FAM177B: variants seen among roughly 807,000 people sequenced by gnomAD.
FAM177B encodes the protein protein FAM177B.
FAM177B carries 16 observed loss-of-function variants against 16.1 expected under a neutral mutation model. That is an observed-to-expected ratio of 0.99 (90% CI 0.67 to 1.51). FAM177B has a LOEUF of 1.51. FAM177B is among the 40% of genes most tolerant of loss of function. The pLI, the probability that FAM177B is intolerant of heterozygous loss-of-function variation, is 0.00. For synonymous variants in FAM177B, 56 were observed against 59.9 expected, an observed-to-expected ratio of 0.93 and a Z score of 0.30; for missense variants, 178 against 183.7, an observed-to-expected ratio of 0.97 and a Z score of 0.18.
In FAM177B at chr1:222,741,908, CT is replaced by C. The variant is rs1415467849; in HGVS notation, c.-16+3888del. On this transcript the variant is annotated intron_variant, in intron 2 of 5. Transcript: ENST00000445590. ...TCCTTCCCTCCCTCCCTCCCTCCCT[CT>C]CTCTCTCTCTCTCTCTCTCTCTTTC... 1.4e-3 allele frequency among the ~76,000 whole-genome samples: 18 copies of C among 12,630 alleles called. No homozygotes were observed. The South Asian group carries it at 0.024, about 16-fold the overall frequency. 8.3% of individuals were successfully genotyped at this position (12,630 alleles called of 152,430 possible).
intron 2 of FAM177B, among the ~76,000 whole-genome samples, chr1:222,741,922 C>G (rs1343810430): frequency 9.6e-6 from 1 of 103,992 alleles, no homozygotes; most frequent in African/African-American, 3.8e-5. Context: ...CTCTCTCTCT[C>G]TCTCTCTCTT....
At chr1:222,741,804 CTT>C (rs1658550476) in intron 2 of FAM177B, among the ~76,000 whole-genome samples, 1 of 137,848 alleles carries the variant, frequency 7.3e-6, no homozygotes, top group Admixed American at 7.7e-5. Context: ...TTCTTTCTCT[CTT>C]TCTTTCTTCT....
At chr1:222,749,349 A>G in intron 4 of FAM177B, 116 bp from the exon 5 acceptor site, 1 of 604,810 alleles carries the variant, frequency 1.7e-6, no homozygotes, top group Non-Finnish European at 2.9e-6. Context: ...GAAGTTAAGT[A>G]TAGTAATAGA....
chr1:222,743,533 G>A (rs761746756), intron 2 of FAM177B, among the ~76,000 whole-genome samples: 2 of 152,090 alleles, frequency 1.3e-5, no homozygotes, highest in Non-Finnish European at 2.9e-5. Context: ...TGTACTTGGC[G>A]TCTGACAGAG....
In FAM177B at chr1:222,748,041, C is replaced by T. The variant is rs146150127; in HGVS notation, c.241+960C>T. 1.5e-3 allele frequency among the ~76,000 whole-genome samples: 226 copies of T among 152,188 alleles called. 6 individuals are homozygous for T. The South Asian group carries it at 0.021, about 14-fold the overall frequency. On this transcript the variant is annotated intron_variant, in intron 4 of 5. Transcript: ENST00000445590. ...TGGCTGGCTAAGGCTAGCTTGAGGA[C>T]CATGAAAGTGACCAGGGAATCTTTA...
rs1187578221 is a variant in FAM177B at position 222,741,747 on chromosome 1, CCTTT to C, written c.-16+3739_-16+3742del. Reference sequence around the variant, plus strand: ...TCCTTCCCTCCCTCCCTCCCTCCCTCCTTTCTTTCTTTCTTTTTCTTTCTTCCTT... The same window carrying C: ...TCCTTCCCTCCCTCCCTCCCTCCCTCCTTTCTTTCTTTTTCTTTCTTCCTT... On this transcript the variant is annotated intron_variant, in intron 2 of 5. Coordinates refer to ENST00000445590, the MANE Select transcript of FAM177B (RefSeq NM_001394345.1). Among the ~76,000 whole-genome samples the C allele has an allele frequency of 4.1e-4, 59 of 145,480 alleles. No homozygotes were observed. In the East Asian group the frequency reaches 4.1e-3, roughly 10 times the overall value.
chr1:222,746,425 G>A, intron 2 of FAM177B, 106 bp from the exon 3 acceptor site: 2 of 603,114 alleles, frequency 3.3e-6, no homozygotes, highest in Non-Finnish European at 5.8e-6. Flanking sequence ...GAGGTCACAG[G>A]TGTGATTACC....
At chr1:222,743,639 T>C (rs1658651879) in intron 2 of FAM177B, among the ~76,000 whole-genome samples, 1 of 152,196 alleles carries the variant, frequency 6.6e-6, no homozygotes, top group Admixed American at 6.5e-5. Flanking sequence ...CAGCATGTGG[T>C]ACTGGCGGGG....
At chr1:222,739,425 A>G (rs1425117657) in intron 2 of FAM177B, among the ~76,000 whole-genome samples, 1 of 152,206 alleles carries the variant, frequency 6.6e-6, no homozygotes, top group Non-Finnish European at 1.5e-5. Context: ...ACTGGTCCCC[A>G]AACTTGCCTG....
intron 2 of FAM177B, among the ~76,000 whole-genome samples, chr1:222,744,756 G>GTCTA (rs1658715903): frequency 6.6e-6 from 1 of 152,118 alleles, no homozygotes; most frequent in South Asian, 2.1e-4. Flanking sequence ...AATCCAGGAA[G>GTCTA]TCTATCTCCA....
chr1:222,750,959 ATTG>A lies in FAM177B; in HGVS notation c.*904_*906del, dbSNP rs1405587990. Among the ~76,000 whole-genome samples the A allele has an allele frequency of 6.6e-6, 1 of 152,078 alleles. No individual in the cohort carries two copies. Among genetic ancestry groups the A allele is most frequent in the Non-Finnish European group, 1.5e-5 (1 of 68,024 alleles). On this transcript the variant is annotated 3_prime_UTR_variant, in exon 6 of 6. Coordinates refer to ENST00000445590, the MANE Select transcript of FAM177B (RefSeq NM_001394345.1). ...TATGGGTGACTTGACTTTGCTTGTT[ATTG>A]TTATACAGAATTATGAGAAATAATA...
Position 222,749,356 on chromosome 1 carries a change from T to C in FAM177B, c.242-109T>C, listed in dbSNP as rs1658946511. 4 of 629,884 alleles carry C rather than the reference T, an allele frequency of 6.4e-6. No homozygotes were observed. In the South Asian group the frequency reaches 8.7e-5, roughly 14 times the overall value. The allele number at this position is 629,884 out of a possible 1,614,324, so 39.0% of individuals were successfully genotyped here. A position where few individuals can be genotyped will look rare whatever the true frequency, so the allele number is the denominator to read the frequency against. ...TCAGCCTTGAAGTTAAGTATAGTAA[T>C]AGACCACTATTACTATACTATCAGA... On this transcript the variant is annotated intron_variant, in intron 4 of 5. Coordinates refer to ENST00000445590, the MANE Select transcript of FAM177B (RefSeq NM_001394345.1).
In FAM177B at chr1:222,740,476, G is replaced by T. The variant is rs78957267; in HGVS notation, c.-16+2455G>T. On this transcript the variant is annotated intron_variant, in intron 2 of 5. Coordinates refer to ENST00000445590, the MANE Select transcript of FAM177B (RefSeq NM_001394345.1). ...TCTTGCCTTCTTTCACAGTGTTTCT[G>T]TTCTTTTTTATTTTCTTCTGCTGGT... 1.5e-3 allele frequency among the ~76,000 whole-genome samples: 225 copies of T among 151,896 alleles called. 6 individuals carry two copies. The South Asian group carries it at 0.021, about 14-fold the overall frequency.
At chr1:222,747,132 G>T in intron 4 of FAM177B, 51 bp downstream of exon 4, 1 of 1,224,456 alleles carries the variant, frequency 8.2e-7, no homozygotes, top group East Asian at 2.3e-5. Flanking sequence ...TATATATATC[G>T]ATAGGCCCTC....
intron 2 of FAM177B, among the ~76,000 whole-genome samples, chr1:222,740,994 C>A (rs569648131): frequency 1.3e-5 from 2 of 150,954 alleles, no homozygotes; most frequent in Admixed American, 1.3e-4. Context: ...CCACCGCGCC[C>A]GGGTTTGTTA....
intron 2 of FAM177B, among the ~76,000 whole-genome samples, chr1:222,745,263 C>T (rs748896619): frequency 5.3e-5 from 8 of 152,106 alleles, no homozygotes; most frequent in South Asian, 2.1e-4. Context: ...GGGAGACATA[C>T]GCTTTCATTT....
chr1:222,738,320 G>A (rs959707016), intron 2 of FAM177B, among the ~76,000 whole-genome samples: 13 of 152,058 alleles, frequency 8.5e-5, no homozygotes, highest in African/African-American at 3.1e-4. Flanking sequence ...ATATTTAAAA[G>A]GTCAGAGAGA....
At chr1:222,749,221 T>C (rs1329715365) in intron 4 of FAM177B, 3 of 461,524 alleles carry the variant, frequency 6.5e-6, no homozygotes, top group African/African-American at 2.0e-5. Flanking sequence ...TCCTGATATA[T>C]ACATCTGGAA....
chr1:222,738,481 G>A (rs1298078386), intron 2 of FAM177B, among the ~76,000 whole-genome samples: 6 of 150,958 alleles, frequency 4.0e-5, no homozygotes, highest in Non-Finnish European at 4.4e-5. Context: ...CACTTTGGGA[G>A]GCTGAGGCAG....
Sources: gnomAD v4.1 joint callset for allele counts (sites outside exome capture counted in the v4.1 genomes callset) on GRCh38, gnomAD v4.1.1 for gene constraint, MANE v1.5 for transcripts, NCBI Gene and HGNC (gene_info 2026-07-23, HGNC 2026-07-21) for gene names.